The following WNK1 variants were observed in gnomAD, a reference collection of about 807,000 sequenced individuals.
The protein encoded by WNK1 is WNK lysine deficient protein kinase 1.
In WNK1, 38 loss-of-function variants were observed where a neutral mutation model predicts 222.8. The ratio of observed to expected loss-of-function variants is 0.17; its 90% CI spans 0.13 to 0.22. The LOEUF (loss-of-function observed/expected upper bound fraction) is 0.22, where lower values mean the gene tolerates loss of function less well. WNK1 is among the 10% of genes least tolerant of loss of function. The pLI, the probability that WNK1 is intolerant of heterozygous loss-of-function variation, is 1.00. For missense variants in WNK1, 2,348 were observed against 2,918.4 expected (o/e 0.80, Z 4.50); for synonymous variants, 1,090 against 1,092.9 (o/e 1.00, Z 0.05).
chr12:790,875 C>G (rs78116215), intron 1 of WNK1, among the ~76,000 whole-genome samples: 2 of 151,926 alleles, frequency 1.3e-5, no homozygotes, highest in South Asian at 2.1e-4. Flanking sequence ...TGATCTCTTC[C>G]TCTTAATTTT....
At position 879,605 on chromosome 12, in the gene WNK1, A is replaced by G; in HGVS notation, c.2406A>G (p.Gln802=). The part of the protein sequence containing the change: ...LPVSQPVPTI[Q]GEPQIPVATQ... The stretch of plus-strand genomic sequence containing the variant: ...TTTCCCAGCCAGTACCAACTATCCA[A>G]GGCGAACCTCAGATCCCAGTTGCGA... Residue 802 remains glutamine, a synonymous_variant, in exon 11 of 28, where the codon CAA becomes CAG. Coordinates refer to ENST00000315939, the MANE Select transcript of WNK1 (RefSeq NM_018979.4). 1 of 1,608,394 alleles carries G rather than the reference A, an allele frequency of 6.2e-7. No individual in the cohort carries two copies. The highest frequency in any genetic ancestry group is 8.5e-7 in the Non-Finnish European group (1 of 1,179,258).
intron 4 of WNK1, among the ~76,000 whole-genome samples, chr12:842,668 A>G (rs1171807094): frequency 6.6e-6 from 1 of 152,116 alleles, no homozygotes; most frequent in Non-Finnish European, 1.5e-5. Context: ...AAGACCCATC[A>G]TTGTCAATTT....
Position 826,652 on chromosome 12 carries a change from T to G in WNK1, c.933-390T>G, listed in dbSNP as rs193092012. Among the ~76,000 whole-genome samples the G allele has an allele frequency of 3.9e-5, 6 of 152,354 alleles. No individual in the cohort carries two copies. The East Asian group carries it at 1.2e-3, about 29-fold the overall frequency. On this transcript the variant is annotated intron_variant, in intron 2 of 27. Coordinates refer to ENST00000315939, the MANE Select transcript of WNK1 (RefSeq NM_018979.4). Reference sequence around the variant, plus strand: ...CTCTACCTCTTAATCATTTAAATGGTGACCTAATGTTAAGGAATTCATATT... The same window carrying G: ...CTCTACCTCTTAATCATTTAAATGGGGACCTAATGTTAAGGAATTCATATT...
At chr12:797,219 A>G (rs1945398540) in intron 1 of WNK1, among the ~76,000 whole-genome samples, 1 of 152,214 alleles carries the variant, frequency 6.6e-6, no homozygotes, top group African/African-American at 2.4e-5. Flanking sequence ...CGCTCTTCTC[A>G]TAATGATTGT....
chr12:761,193 C>T lies in WNK1; in HGVS notation c.759+6869C>T, dbSNP rs1027799215. On this transcript the variant is annotated intron_variant, in intron 1 of 27. Coordinates refer to ENST00000315939, the MANE Select transcript of WNK1 (RefSeq NM_018979.4). ...TTAATTGATCATATAATATCTCCAC[C>T]TTCACTTACATTAATTTAGATTTTT... Among the ~76,000 whole-genome samples the T allele has an allele frequency of 3.4e-5, 5 of 147,806 alleles. No homozygotes were observed. In the East Asian group the frequency reaches 7.8e-4, roughly 23 times the overall value.
intron 1 of WNK1, among the ~76,000 whole-genome samples, chr12:807,831 G>A (rs1034084282): frequency 6.9e-6 from 1 of 144,102 alleles, no homozygotes; most frequent in African/African-American, 2.6e-5. Context: ...GCCATTCTCC[G>A]GCCTCAGCCT....
intron 1 of WNK1, among the ~76,000 whole-genome samples, chr12:779,957 G>A (rs971042477): frequency 6.6e-6 from 1 of 152,056 alleles, no homozygotes; most frequent in Non-Finnish European, 1.5e-5. Context: ...CCAATGTTAA[G>A]CAATTTTTTA....
At chr12:892,720 C>G (rs1954366326) in intron 22 of WNK1, among the ~76,000 whole-genome samples, 1 of 152,052 alleles carries the variant, frequency 6.6e-6, no homozygotes. Context: ...GAAACTTAGA[C>G]ATGAAAATAT....
chr12:823,838 T>A (rs1342005017), intron 2 of WNK1, among the ~76,000 whole-genome samples: 1 of 151,466 alleles, frequency 6.6e-6, no homozygotes, highest in Admixed American at 6.6e-5. Flanking sequence ...TTGTCTTCAA[T>A]GTGGTTGGGC....
intron 1 of WNK1, 117 bp from the exon 2 acceptor site, chr12:813,525 T>C: frequency 9.4e-7 from 1 of 1,066,630 alleles, no homozygotes; most frequent in Non-Finnish European, 1.4e-6. Flanking sequence ...ACTTCAGCAT[T>C]TGCATTTTTT....
intron 8 of WNK1, among the ~76,000 whole-genome samples, chr12:870,131 C>A (rs1460383708): frequency 6.6e-6 from 1 of 152,136 alleles, no homozygotes; most frequent in Non-Finnish European, 1.5e-5. Context: ...TTCCTACTTT[C>A]TTCCTATGTT....
At chr12:764,900 G>A (rs898919771) in intron 1 of WNK1, among the ~76,000 whole-genome samples, 2 of 147,410 alleles carry the variant, frequency 1.4e-5, no homozygotes, top group African/African-American at 2.4e-5. Context: ...GTGCAGTGGC[G>A]TGATCTTGGC....
intron 9 of WNK1, among the ~76,000 whole-genome samples, chr12:875,634 A>C (rs1345807179): frequency 1.3e-5 from 2 of 152,212 alleles, no homozygotes; most frequent in East Asian, 3.8e-4. Context: ...GAAAGGAAAA[A>C]AAAATCTAGT....
At chr12:899,029 C>T (rs932320445) in intron 25 of WNK1, among the ~76,000 whole-genome samples, 4 of 152,092 alleles carry the variant, frequency 2.6e-5, no homozygotes, top group African/African-American at 4.8e-5. Context: ...CGTGAGCCAC[C>T]GTGCCCGGCC....
rs72652203 is a variant in WNK1 at position 907,734 on chromosome 12, T to C, written c.6644-113T>C. 21 of 1,284,206 alleles carry C rather than the reference T, an allele frequency of 1.6e-5. No individual in the cohort carries two copies. In the African/African-American group the frequency reaches 3.1e-4, roughly 19 times the overall value. The allele number at this position is 1,284,206 out of a possible 1,614,324, so 79.6% of individuals were successfully genotyped here. Reference sequence around the variant, plus strand: ...TCTTCCCTCTTGCATGGCTTCCCAGTTCATCCTCTTCTCATTCTGTGGCTT... The same window carrying C: ...TCTTCCCTCTTGCATGGCTTCCCAGCTCATCCTCTTCTCATTCTGTGGCTT... On this transcript the variant is annotated intron_variant, in intron 26 of 27. Transcript: ENST00000315939.
In WNK1 at chr12:758,052, AAAG is replaced by A. The variant is rs1328413178; in HGVS notation, c.759+3731_759+3733del. ...TCTGTCTCTAAAAAAAAAAAAAAAA[AAAG>A]AAAGAAAGAAAAAGAAAACATTGAT... On this transcript the variant is annotated intron_variant, in intron 1 of 27. Transcript: ENST00000315939. 6.6e-4 allele frequency among the ~76,000 whole-genome samples: 93 copies of A among 141,896 alleles called. 2 individuals carry two copies. Among genetic ancestry groups the A allele is most frequent in the African/African-American group, 2.3e-3 (89 of 39,552 alleles). The allele number at this position is 141,896 out of a possible 152,430, so 93.1% of individuals were successfully genotyped here.
At chr12:766,872 G>GAA (rs1375537012) in intron 1 of WNK1, among the ~76,000 whole-genome samples, 2 of 152,010 alleles carry the variant, frequency 1.3e-5, no homozygotes, top group African/African-American at 4.8e-5. Context: ...CGCCTCCCAG[G>GAA]TTCAAGTGAT....
At chr12:807,810 C>CCCGGGTTCACGCCATTCT (rs1171388291) in intron 1 of WNK1, among the ~76,000 whole-genome samples, 5 of 150,442 alleles carry the variant, frequency 3.3e-5, no homozygotes, top group African/African-American at 1.2e-4. Flanking sequence ...AGCTCCGCCT[C>CCCGGGTTCACGCCATTCT]CCGGGTTCAC....
intron 1 of WNK1, among the ~76,000 whole-genome samples, chr12:760,166 A>T (rs993906597): frequency 6.8e-6 from 1 of 147,980 alleles, no homozygotes; most frequent in African/African-American, 2.4e-5. Context: ...TGAACTGCTT[A>T]TTTTCAGAAT....
Sources: allele counts gnomAD v4.1 joint callset (sites outside exome capture counted in the v4.1 genomes callset), GRCh38; gene constraint gnomAD v4.1.1; transcripts MANE v1.5; gene names NCBI Gene and HGNC (gene_info 2026-07-23, HGNC 2026-07-21).